TDRD12: variants seen among roughly 807,000 people sequenced by gnomAD.
TDRD12 encodes tudor domain containing 12, also known as putative ATP-dependent RNA helicase TDRD12.
Under a neutral mutation model 133.5 loss-of-function variants are expected in TDRD12, and 158 were observed. That is an observed-to-expected ratio of 1.18 (90% CI 1.04 to 1.35). TDRD12 has a LOEUF of 1.35. TDRD12 is among the 40% of genes most tolerant of loss of function. The pLI, the probability that TDRD12 is intolerant of heterozygous loss-of-function variation, is 0.00. For synonymous variants in TDRD12, 460 were observed against 477.9 expected (o/e 0.96, Z 0.49); for missense variants, 1,443 against 1,321.3 (o/e 1.09, Z -1.43).
At chr19:32,768,089 A>G (rs12610378) in intron 8 of TDRD12, among the ~76,000 whole-genome samples, 90,803 of 152,026 alleles carry the variant, frequency 0.6, 28,223 homozygotes, top group East Asian at 0.82. Flanking sequence ...CTGCTTTTGC[A>G]CTGTCAGAGC....
intron 1 of TDRD12, among the ~76,000 whole-genome samples, chr19:32,723,934 T>C (rs1440724766): frequency 6.6e-6 from 1 of 152,180 alleles, no homozygotes. Context: ...CACAACTTAC[T>C]GCAACCTCAA....
At chr19:32,728,376 T>C (rs1968924442) in intron 1 of TDRD12, among the ~76,000 whole-genome samples, 6 of 152,226 alleles carry the variant, frequency 3.9e-5, no homozygotes, top group Admixed American at 3.9e-4. Context: ...TGATATTAAA[T>C]CTTCCAGTCA....
intron 3 of TDRD12, among the ~76,000 whole-genome samples, chr19:32,742,265 T>A (rs1051881863): frequency 6.6e-6 from 1 of 152,026 alleles, no homozygotes; most frequent in Non-Finnish European, 1.5e-5. Flanking sequence ...CAAGCAATTC[T>A]CCTGCCTCAG....
chr19:32,791,742 A>G (rs909691753), intron 13 of TDRD12, among the ~76,000 whole-genome samples: 1 of 152,010 alleles, frequency 6.6e-6, no homozygotes, highest in Admixed American at 6.6e-5. Flanking sequence ...AGAAATTTGA[A>G]TGGCTCTAGA....
At chr19:32,782,301 CT>C (rs1216394038) in intron 11 of TDRD12, among the ~76,000 whole-genome samples, 4 of 152,052 alleles carry the variant, frequency 2.6e-5, no homozygotes, top group Non-Finnish European at 5.9e-5. Flanking sequence ...TGAACTCATC[CT>C]TTTTTATGGC....
rs924771499 is a variant in TDRD12 at position 32,757,033 on chromosome 19, A to G, written c.773-5A>G. 6 of 1,549,742 alleles carry G rather than the reference A, an allele frequency of 3.9e-6. No homozygotes were observed. Among genetic ancestry groups the G allele is most frequent in the Non-Finnish European group, 5.2e-6 (6 of 1,145,364 alleles). On this transcript the variant is annotated splice_region_variant and splice_polypyrimidine_tract_variant and intron_variant, in intron 7 of 27. Coordinates refer to ENST00000444215, the Ensembl canonical transcript of TDRD12. ...TTTAATTCTGAAATTTATTCTTTCT[A>G]TCAGATTCACATGGTGTAAATTTTC... is the stretch of plus-strand genomic sequence containing the variant.
intron 8 of TDRD12, among the ~76,000 whole-genome samples, chr19:32,759,316 T>C (rs1475598167): frequency 6.6e-6 from 1 of 151,938 alleles, no homozygotes; most frequent in South Asian, 2.1e-4. Flanking sequence ...GGTGGGAGCC[T>C]CGACCTTCCA....
At chr19:32,767,736 C>T (rs1438483215) in intron 8 of TDRD12, among the ~76,000 whole-genome samples, 1 of 152,120 alleles carries the variant, frequency 6.6e-6, no homozygotes, top group African/African-American at 2.4e-5. Context: ...TGCTTTCTCT[C>T]TCATTTCTTT....
chr19:32,817,348 C>T (rs975877070), intron 26 of TDRD12, among the ~76,000 whole-genome samples: 1 of 152,050 alleles, frequency 6.6e-6, no homozygotes, highest in Non-Finnish European at 1.5e-5. Context: ...ATCCTGGGCA[C>T]TTTAAGTGGA....
chr19:32,749,361 A>G (rs562418292), intron 5 of TDRD12, among the ~76,000 whole-genome samples: 32 of 152,116 alleles, frequency 2.1e-4, no homozygotes, highest in Non-Finnish European at 3.8e-4. Context: ...CCTTGAAGGT[A>G]GTGGTAAGAA....
chr19:32,772,771 A>G (rs1970475487), exon 9 of TDRD12: 4 of 1,514,970 alleles, frequency 2.6e-6, no homozygotes, highest in African/African-American at 1.4e-5. Flanking sequence ...GTAAAATGTA[A>G]TATGGATTCA....
intron 19 of TDRD12, 107 bp from the exon 20 acceptor site, chr19:32,802,549 G>C: frequency 7.7e-7 from 1 of 1,305,696 alleles, no homozygotes. Flanking sequence ...ATCCAAAAAA[G>C]TAAAATGTGA....
rs1215086708 is a variant in TDRD12 at position 32,720,217 on chromosome 19, C to G, written c.24+121C>G. ...CAGCTTCCTACACCCACCGCAGCCC[C>G]GCACAGCCTCCCACCCCCGACCCCA... is the stretch of plus-strand genomic sequence containing the variant. On this transcript the variant is annotated intron_variant, in intron 1 of 27. Coordinates refer to ENST00000444215, the Ensembl canonical transcript of TDRD12. 3 of 1,144,808 alleles carry G rather than the reference C, an allele frequency of 2.6e-6. 1 individual carries two copies. Among genetic ancestry groups the G allele is most frequent in the African/African-American group, 3.6e-5 (2 of 55,856 alleles). The allele number at this position is 1,144,808 out of a possible 1,614,324, so 70.9% of individuals were successfully genotyped here. A position where few individuals can be genotyped will look rare whatever the true frequency, so the allele number is the denominator to read the frequency against.
chr19:32,789,550 C>T (rs1971008186), intron 11 of TDRD12, among the ~76,000 whole-genome samples: 1 of 152,204 alleles, frequency 6.6e-6, no homozygotes, highest in African/African-American at 2.4e-5. Context: ...GCTGGTTTCA[C>T]TGCACAGTGT....
At chr19:32,742,966 G>T (rs1451146398) in intron 4 of TDRD12, 66 bp downstream of exon 4, 4 of 1,533,460 alleles carry the variant, frequency 2.6e-6, no homozygotes, top group Non-Finnish European at 3.5e-6. Flanking sequence ...CACGATCTTT[G>T]TATGAAGTCA....
intron 1 of TDRD12, among the ~76,000 whole-genome samples, chr19:32,721,170 G>A (rs964171984): frequency 5.3e-5 from 8 of 152,066 alleles, no homozygotes; most frequent in African/African-American, 1.2e-4. Flanking sequence ...GGGAAGGGAC[G>A]CCCGCCTGGA....
intron 14 of TDRD12, among the ~76,000 whole-genome samples, chr19:32,795,803 G>A (rs949816991): frequency 6.6e-5 from 10 of 152,164 alleles, no homozygotes; most frequent in Non-Finnish European, 1.5e-5. Flanking sequence ...CACAATCATT[G>A]CAGAAGTCTA....
At chr19:32,728,571 T>A (rs905305144) in intron 1 of TDRD12, among the ~76,000 whole-genome samples, 7 of 152,112 alleles carry the variant, frequency 4.6e-5, no homozygotes, top group African/African-American at 1.7e-4. Flanking sequence ...ACAGTCTTTT[T>A]CCTGTCTTAC....
chr19:32,778,711 G>T (rs1218401997), intron 11 of TDRD12, among the ~76,000 whole-genome samples: 1 of 152,144 alleles, frequency 6.6e-6, no homozygotes, highest in Admixed American at 6.5e-5. Flanking sequence ...TGTTGGCCAG[G>T]CTGGTCTCGA....
Sources: allele counts gnomAD v4.1 joint callset (sites outside exome capture counted in the v4.1 genomes callset), GRCh38; gene constraint gnomAD v4.1.1; transcripts MANE v1.5; gene names NCBI Gene and HGNC (gene_info 2026-07-23, HGNC 2026-07-21).